ROBO1: variants seen among roughly 807,000 people sequenced by gnomAD.
The protein encoded by ROBO1 is roundabout homolog 1.
A neutral mutation model predicts 195.9 loss-of-function variants in ROBO1; 149 were observed. The observed-to-expected ratio is 0.76, with a 90% confidence interval of 0.67 to 0.87. The LOEUF (loss-of-function observed/expected upper bound fraction) is 0.87. Ranked by LOEUF, ROBO1 falls within the 40% of genes least tolerant of loss-of-function variation. The pLI, the probability that ROBO1 is intolerant of heterozygous loss-of-function variation, is 0.00. For synonymous variants in ROBO1, 816 were observed against 733.2 expected, an observed-to-expected ratio of 1.11 and a Z score of -1.82; for missense variants, 1,933 against 2,068.3, an observed-to-expected ratio of 0.93 and a Z score of 1.27.
intron 10 of ROBO1, among the ~76,000 whole-genome samples, chr3:78,681,111 C>A (rs1220113943): frequency 6.6e-6 from 1 of 151,662 alleles, no homozygotes; most frequent in African/African-American, 2.4e-5. Context: ...CATGTTCTCA[C>A]TCACAGGTGG....
intron 3 of ROBO1, among the ~76,000 whole-genome samples, chr3:79,123,222 G>A (rs547177395): frequency 2.6e-5 from 4 of 152,036 alleles, no homozygotes; most frequent in Non-Finnish European, 5.9e-5. Context: ...TTCCTGGACA[G>A]ATAGGCCATC....
Position 78,598,750 on chromosome 3 carries a change from AC to A in ROBO1, c.*162del. ...TAGGGATCAAACAACAACAATAAAAACCCAATAAAGTTTTTAAAATGATATC... is the reference window on the plus strand; with the variant it reads ...TAGGGATCAAACAACAACAATAAAAACCAATAAAGTTTTTAAAATGATATC... On this transcript the variant is annotated 3_prime_UTR_variant, in exon 31 of 31. Coordinates refer to ENST00000464233, the MANE Select transcript of ROBO1 (RefSeq NM_002941.4). 2 of 470,422 alleles carry A rather than the reference AC, an allele frequency of 4.3e-6. No homozygotes were observed. Among genetic ancestry groups the A allele is most frequent in the Non-Finnish European group, 7.6e-6 (2 of 261,516 alleles). The allele number at this position is 470,422 out of a possible 1,614,324, so 29.1% of individuals were successfully genotyped here.
intron 10 of ROBO1, among the ~76,000 whole-genome samples, chr3:78,677,562 C>A (rs376222285): frequency 6.6e-6 from 1 of 151,464 alleles, no homozygotes; most frequent in South Asian, 2.1e-4. Context: ...CAACAAAGAT[C>A]AAAAGAGACA....
chr3:79,764,888 A>G (rs1455261568), intron 1 of ROBO1, among the ~76,000 whole-genome samples: 2 of 152,156 alleles, frequency 1.3e-5, no homozygotes, highest in Non-Finnish European at 2.9e-5. Context: ...AGTATAGGGT[A>G]AGAGAAAGTT....
chr3:78,799,531 C>T (rs1055423883), intron 4 of ROBO1, among the ~76,000 whole-genome samples: 6 of 148,406 alleles, frequency 4.0e-5, no homozygotes, highest in Admixed American at 2.7e-4. Context: ...TTAGTAGAGA[C>T]GGGGTTTCAC....
chr3:78,621,700 C>T lies in ROBO1; in HGVS notation c.3876-3659G>A, dbSNP rs369290672. Among the ~76,000 whole-genome samples the T allele has an allele frequency of 2.8e-4, 43 of 152,266 alleles. No homozygotes were observed. The South Asian group carries it at 7.7e-3, about 27-fold the overall frequency. On this transcript the variant is annotated intron_variant, in intron 26 of 30. Coordinates refer to ENST00000464233, the MANE Select transcript of ROBO1 (RefSeq NM_002941.4). The stretch of plus-strand genomic sequence containing the variant: ...AACCTCAACCCTCTAGATTTCTCCC[C>T]GAGGGGTTTCAATGTCTTCTGAAAT...
chr3:78,858,873 G>C (rs1452403656), intron 4 of ROBO1, among the ~76,000 whole-genome samples: 1 of 151,648 alleles, frequency 6.6e-6, no homozygotes, highest in Non-Finnish European at 1.5e-5. Flanking sequence ...AAATAAATAT[G>C]AATAGCCAAA....
At chr3:78,750,181 C>A (rs932293803) in intron 4 of ROBO1, among the ~76,000 whole-genome samples, 3 of 151,984 alleles carry the variant, frequency 2.0e-5, no homozygotes. Flanking sequence ...CTGGGCCGGG[C>A]GCAGTGGCTC....
rs936908257 is a variant in ROBO1, at chr3:79,537,374, T to C, written c.88+52450A>G. On this transcript the variant is annotated intron_variant, in intron 2 of 30. Coordinates refer to ENST00000464233, the MANE Select transcript of ROBO1 (RefSeq NM_002941.4). ...CGTGCAGGAAGTTACCCTGTGGATATCTGGAGCTCAGTCTTGCTGGGGAAT... is the reference window on the plus strand; with the variant it reads ...CGTGCAGGAAGTTACCCTGTGGATACCTGGAGCTCAGTCTTGCTGGGGAAT... Among the ~76,000 whole-genome samples the C allele has an allele frequency of 3.4e-4, 52 of 152,106 alleles. 1 individual carries two copies. The highest frequency in any genetic ancestry group is 3.4e-3 in the Admixed American group (52 of 15,264).
chr3:78,954,208 T>C (rs2040927471), intron 3 of ROBO1, among the ~76,000 whole-genome samples: 1 of 151,966 alleles, frequency 6.6e-6, no homozygotes, highest in South Asian at 2.1e-4. Context: ...CTGAGAAGCA[T>C]CAGAGACTGA....
chr3:79,391,637 T>C (rs1201448360), intron 2 of ROBO1, among the ~76,000 whole-genome samples: 1 of 152,172 alleles, frequency 6.6e-6, no homozygotes, highest in African/African-American at 2.4e-5. Context: ...GATATCTATG[T>C]GAATTGTATA....
At chr3:78,727,606 C>CAGAG (rs1324238251) in intron 5 of ROBO1, among the ~76,000 whole-genome samples, 1 of 152,184 alleles carries the variant, frequency 6.6e-6, no homozygotes, top group African/African-American at 2.4e-5. Flanking sequence ...GCCTGGGCGA[C>CAGAG]AGAGCGAGAC....
chr3:78,926,545 GA>G (rs1009075885), intron 4 of ROBO1, among the ~76,000 whole-genome samples: 11 of 152,106 alleles, frequency 7.2e-5, no homozygotes, highest in African/African-American at 2.7e-4. Context: ...TCATCGTTAG[GA>G]AATAATAGAG....
chr3:78,746,201 T>C (rs930816459), intron 5 of ROBO1, among the ~76,000 whole-genome samples: 5 of 152,178 alleles, frequency 3.3e-5, no homozygotes, highest in Admixed American at 6.6e-5. Flanking sequence ...GAGCAGGAAT[T>C]TGAAATCCAA....
At chr3:79,744,603 C>T (rs1203036317) in intron 1 of ROBO1, among the ~76,000 whole-genome samples, 1 of 152,086 alleles carries the variant, frequency 6.6e-6, no homozygotes, top group African/African-American at 2.4e-5. Context: ...ACCCTGCTGG[C>T]ACCCTGATCT....
intron 2 of ROBO1, among the ~76,000 whole-genome samples, chr3:79,284,493 A>C (rs1559790021): frequency 6.6e-6 from 1 of 152,182 alleles, no homozygotes. Context: ...TAAAAAACAA[A>C]AAACAAACAA....
chr3:79,625,824 T>C (rs1318483443), intron 1 of ROBO1, among the ~76,000 whole-genome samples: 1 of 152,080 alleles, frequency 6.6e-6, no homozygotes, highest in Non-Finnish European at 1.5e-5. Context: ...TTCTAAACAA[T>C]TGAAAAGGGG....
At chr3:79,662,415 TTGAC>T (rs1252264133) in intron 1 of ROBO1, among the ~76,000 whole-genome samples, 1 of 152,076 alleles carries the variant, frequency 6.6e-6, no homozygotes, top group Non-Finnish European at 1.5e-5. Context: ...CCCTCATTCT[TTGAC>T]TGTAAAAATT....
At chr3:79,141,207 A>T (rs2080517283) in intron 2 of ROBO1, among the ~76,000 whole-genome samples, 1 of 151,968 alleles carries the variant, frequency 6.6e-6, no homozygotes, top group Non-Finnish European at 1.5e-5. Context: ...AGATCATGTG[A>T]CGACTGCGAT....
Sources: allele counts gnomAD v4.1 joint callset (sites outside exome capture counted in the v4.1 genomes callset), GRCh38; gene constraint gnomAD v4.1.1; transcripts MANE v1.5; gene names NCBI Gene and HGNC (gene_info 2026-07-23, HGNC 2026-07-21).